The following NRN1 variants were observed in gnomAD, a reference collection of about 807,000 sequenced individuals.
NRN1 encodes the protein neuritin 1.
In NRN1, 4 loss-of-function variants were observed where a neutral mutation model predicts 15.0. The observed-to-expected ratio is 0.27, with a 90% confidence interval of 0.13 to 0.61. NRN1 has a LOEUF of 0.61. Ranked by LOEUF, NRN1 falls within the 20% of genes least tolerant of loss-of-function variation. The probability of loss-of-function intolerance (pLI) is 0.87; values close to 1 mark genes in which losing one functional copy is unlikely to be tolerated. For missense variants in NRN1, 134 were observed against 181.9 expected (o/e 0.74, Z 1.51); for synonymous variants, 85 against 79.8 (o/e 1.07, Z -0.35).
chr6:6,001,414 G>T (rs1395182821), intron 2 of NRN1, among the ~76,000 whole-genome samples: 1 of 152,190 alleles, frequency 6.6e-6, no homozygotes, highest in Non-Finnish European at 1.5e-5. Context: ...GAGGACAGGG[G>T]TGTTTTCTAA....
At chr6:6,006,667 C>T in intron 1 of NRN1, 28 bp downstream of exon 1, 1 of 1,612,456 alleles carries the variant, frequency 6.2e-7, no homozygotes, top group Non-Finnish European at 8.5e-7. Flanking sequence ...CCGCCTCCAG[C>T]CTCCAGCCGG....
rs1225174993 is a variant in NRN1 at position 6,006,921 on chromosome 6, AAG to A, written c.-174_-173del. On this transcript the variant is annotated 5_prime_UTR_variant, in exon 1 of 3. Coordinates refer to ENST00000244766, the MANE Select transcript of NRN1 (RefSeq NM_016588.3). The stretch of plus-strand genomic sequence containing the variant: ...AGAGAGGGAGCGAGGAAGAGACAGA[AAG>A]AGAGAGAGAGAGAGAAAGAGAGAGA... 3,150 of 346,678 alleles carry A rather than the reference AAG, an allele frequency of 9.1e-3. No individual in the cohort carries two copies. Among genetic ancestry groups the A allele is most frequent in the South Asian group, 0.014 (544 of 37,602 alleles). 21.5% of individuals were successfully genotyped at this position (346,678 alleles called of 1,614,324 possible). A position where few individuals can be genotyped will look rare whatever the true frequency, so the allele number is the denominator to read the frequency against.
At chr6:6,000,748 T>TTTTTTTTTTTTTTTTTTTTTTTTTTTTTA (rs1554145373) in intron 2 of NRN1, among the ~76,000 whole-genome samples, 3 of 99,102 alleles carry the variant, frequency 3.0e-5, no homozygotes, top group Non-Finnish European at 6.0e-5. Flanking sequence ...TTTTTTTTTT[T>TTTTTTTTTTTTTTTTTTTTTTTTTTTTTA]ATGTACGCCC....
At chr6:6,005,126 CTTT>C in intron 1 of NRN1, among the ~76,000 whole-genome samples, 1 of 152,090 alleles carries the variant, frequency 6.6e-6, no homozygotes, top group Non-Finnish European at 1.5e-5. Context: ...CGACCACCGT[CTTT>C]TTTTTCCCTC....
chr6:6,005,614 C>T (rs374558060), intron 1 of NRN1, among the ~76,000 whole-genome samples: 37 of 152,202 alleles, frequency 2.4e-4, no homozygotes, highest in Admixed American at 8.5e-4. Flanking sequence ...CTAAAGCACC[C>T]CCTCCCCCAA....
chr6:6,006,002 A>G (rs1758100645), intron 1 of NRN1, among the ~76,000 whole-genome samples: 2 of 152,258 alleles, frequency 1.3e-5, no homozygotes. Flanking sequence ...ACCCTTTCCT[A>G]TATATAAAAT....
upstream of NRN1, among the ~76,000 whole-genome samples, chr6:6,007,210 AC>A (rs1758133877): frequency 6.6e-6 from 1 of 151,802 alleles, no homozygotes; most frequent in Non-Finnish European, 1.5e-5. Flanking sequence ...TCTAGCGGTC[AC>A]CCCTGCCTCT....
chr6:5,998,693 T>TG lies in NRN1; in HGVS notation c.*282dup, dbSNP rs745594171. 8 of 302,432 alleles carry TG rather than the reference T, an allele frequency of 2.6e-5. No homozygotes were observed. Among genetic ancestry groups the TG allele is most frequent in the Middle Eastern group, 9.2e-4 (1 of 1,088 alleles). 18.7% of individuals were successfully genotyped at this position (302,432 alleles called of 1,614,324 possible). A position where few individuals can be genotyped will look rare whatever the true frequency, so the allele number is the denominator to read the frequency against. ...AATTAATAATAATAAAATTAAAAAATGGGGTGGGTTTGCCGTTTTCTTATT... is the reference window on the plus strand; with the variant it reads ...AATTAATAATAATAAAATTAAAAAATGGGGGTGGGTTTGCCGTTTTCTTATT... On this transcript the variant is annotated 3_prime_UTR_variant, in exon 3 of 3. Coordinates refer to ENST00000244766, the MANE Select transcript of NRN1 (RefSeq NM_016588.3).
rs747187407 is a variant in NRN1 at position 5,998,958 on chromosome 6, G to C, written c.*18C>G. The C allele has an allele frequency of 1.3e-6, 2 of 1,585,854 alleles. No homozygotes were observed. The highest frequency in any genetic ancestry group is 4.5e-5 in the East Asian group (2 of 44,360). ...GGAGTGAGTGTGGGTGGGCGCGCGG[G>C]GGGAGCTGGCCCCACGCTCAGAAGG... On this transcript the variant is annotated 3_prime_UTR_variant, in exon 3 of 3. Coordinates refer to ENST00000244766, the MANE Select transcript of NRN1 (RefSeq NM_016588.3).
intron 2 of NRN1, among the ~76,000 whole-genome samples, chr6:6,001,323 T>G (rs1446923998): frequency 6.6e-6 from 1 of 152,218 alleles, no homozygotes; most frequent in Non-Finnish European, 1.5e-5. Context: ...GGGCACAACC[T>G]GCCTTGGCTG....
At chr6:5,999,451 C>T (rs1188788743) in intron 2 of NRN1, among the ~76,000 whole-genome samples, 2 of 152,252 alleles carry the variant, frequency 1.3e-5, no homozygotes, top group Non-Finnish European at 2.9e-5. Context: ...CTGGTTTTCC[C>T]TTCCAGTTGC....
intron 1 of NRN1, among the ~76,000 whole-genome samples, chr6:6,004,844 G>C (rs539405882): frequency 7.0e-4 from 106 of 151,936 alleles, no homozygotes; most frequent in African/African-American, 2.4e-3. Flanking sequence ...TCATTCATTC[G>C]TTCGACCTCT....
intron 2 of NRN1, among the ~76,000 whole-genome samples, chr6:5,999,624 G>A (rs1211660918): frequency 6.6e-6 from 1 of 152,190 alleles, no homozygotes; most frequent in African/African-American, 2.4e-5. Flanking sequence ...CTTGCAAGAT[G>A]GGTTACTAGC....
At chr6:6,003,789 G>A in intron 1 of NRN1, 1 of 1,234,094 alleles carries the variant, frequency 8.1e-7, no homozygotes, top group Non-Finnish European at 1.0e-6. Flanking sequence ...GCGGCCCAAA[G>A]CAGCCCGGGC....
chr6:6,002,373 C>A lies in NRN1; in HGVS notation c.180G>T (p.Thr60=), dbSNP rs764233398. ...ANYPQGLDDK[T]NIKTVCTYWE... ...CTTACGTGCACACGGTCTTGATGTTCGTCTTGTCGTCCAGGCCCTGCGGGT... is the reference window on the plus strand; with the variant it reads ...CTTACGTGCACACGGTCTTGATGTTAGTCTTGTCGTCCAGGCCCTGCGGGT... Residue 60 remains threonine, a synonymous_variant, in exon 2 of 3, where the codon ACG becomes ACT. Transcript: ENST00000244766. The A allele has an allele frequency of 5.2e-5, 84 of 1,614,222 alleles. No homozygotes were observed. In the Middle Eastern group the frequency reaches 1.8e-3, roughly 35 times the overall value.
At chr6:6,002,999 G>T in intron 1 of NRN1, 1 of 415,404 alleles carries the variant, frequency 2.4e-6, no homozygotes, top group Non-Finnish European at 4.2e-6. Context: ...ACAGGGCGTG[G>T]GGTCACGCAG....
In NRN1 at chr6:5,998,176, C is replaced by T. The variant is rs1561901086; in HGVS notation, c.*800G>A. ...ATATTTTAGATTAACATTTAACATC[C>T]CCCCCTTGTGATCTATACCGTTGGA... On this transcript the variant is annotated 3_prime_UTR_variant, in exon 3 of 3. Coordinates refer to ENST00000244766, the MANE Select transcript of NRN1 (RefSeq NM_016588.3). The T allele has an allele frequency of 6.6e-6, 1 of 151,732 alleles. No individual in the cohort carries two copies. Among genetic ancestry groups the T allele is most frequent in the African/African-American group, 2.4e-5 (1 of 41,230 alleles). 9.4% of individuals were successfully genotyped at this position (151,732 alleles called of 1,614,324 possible).
intron 1 of NRN1, 181 bp from the exon 2 acceptor site, chr6:6,002,678 C>A (rs1248932486): frequency 2.6e-6 from 2 of 758,582 alleles, no homozygotes; most frequent in Non-Finnish European, 4.2e-6. Context: ...GAATGCCCGA[C>A]CTGCAGCTAA....
In NRN1 at chr6:6,006,869, C is replaced by T. The variant is rs573469788; in HGVS notation, c.-120G>A. Reference sequence around the variant, plus strand: ...TTCCGGGAGCGACAGAGACTTTATGCACTGGGAAGGCAGAGGGAGGAGAGA... The same window carrying T: ...TTCCGGGAGCGACAGAGACTTTATGTACTGGGAAGGCAGAGGGAGGAGAGA... On this transcript the variant is annotated 5_prime_UTR_variant, in exon 1 of 3. Coordinates refer to ENST00000244766, the MANE Select transcript of NRN1 (RefSeq NM_016588.3). 3 of 762,356 alleles carry T rather than the reference C, an allele frequency of 3.9e-6. No homozygotes were observed. Among genetic ancestry groups the T allele is most frequent in the Non-Finnish European group, 7.0e-6 (3 of 429,624 alleles). The allele number at this position is 762,356 out of a possible 1,614,324, so 47.2% of individuals were successfully genotyped here.
Sources: gnomAD v4.1 joint callset for allele counts (sites outside exome capture counted in the v4.1 genomes callset) on GRCh38, gnomAD v4.1.1 for gene constraint, MANE v1.5 for transcripts, NCBI Gene and HGNC (gene_info 2026-07-23, HGNC 2026-07-21) for gene names.